Variants in DMD observed in about 807,000 individuals in gnomAD.
DMD encodes the protein dystrophin.
A neutral mutation model predicts 330.1 loss-of-function variants in DMD; 63 were observed. The ratio of observed to expected loss-of-function variants is 0.19; its 90% confidence interval spans 0.16 to 0.24. The LOEUF (loss-of-function observed/expected upper bound fraction) is 0.24. Ranked by LOEUF, DMD falls within the 10% of genes least tolerant of loss-of-function variation. The pLI, the probability that DMD is intolerant of heterozygous loss-of-function variation, is 1.00. For missense variants in DMD, 3,344 were observed against 2,684.1 expected (o/e 1.25, Z -5.43); for synonymous variants, 1,223 against 959.8 (o/e 1.27, Z -5.07).
At chrX:32,438,472 G>A (rs1308097795) in intron 28 of DMD, 82 bp from the exon 29 acceptor site, 32 of 1,057,984 alleles carry the variant, frequency 3.0e-5, no homozygotes, top group Non-Finnish European at 4.0e-5. Context: ...AGTATCTTCT[G>A]ATTTACATAT....
chrX:32,720,963 G>A (rs1228297881), intron 7 of DMD, among the ~76,000 whole-genome samples: 7 of 110,784 alleles, frequency 6.3e-5, no homozygotes, highest in South Asian at 3.8e-4. Flanking sequence ...GTTAGATAAC[G>A]TAGCATATTT....
At chrX:33,253,000 T>C (rs961785605) in intron 1 of DMD, among the ~76,000 whole-genome samples, 9 of 111,608 alleles carry the variant, frequency 8.1e-5, no homozygotes, top group African/African-American at 2.9e-4. Flanking sequence ...GGATTATGAG[T>C]CAGTTTGAAA....
chrX:31,384,318 TAC>T (rs1491187474), intron 60 of DMD, among the ~76,000 whole-genome samples: 28 of 36,255 alleles, frequency 7.7e-4, no homozygotes, highest in Non-Finnish European at 1.3e-3. Context: ...TCACTACTAC[TAC>T]TACTACTACT....
intron 2 of DMD, among the ~76,000 whole-genome samples, chrX:32,865,302 T>A (rs943125660): frequency 7.2e-5 from 8 of 110,853 alleles, no homozygotes; most frequent in Non-Finnish European, 1.1e-4. Context: ...TAGCATGGTG[T>A]TATAATCCTA....
At chrX:32,373,617 C>A (rs1245683490) in intron 34 of DMD, among the ~76,000 whole-genome samples, 4 of 111,680 alleles carry the variant, frequency 3.6e-5, no homozygotes, top group Non-Finnish European at 7.5e-5. Context: ...TTGATTTTTT[C>A]CAACCATTTA....
intron 2 of DMD, among the ~76,000 whole-genome samples, chrX:33,011,879 C>G (rs2093708255): frequency 9.0e-6 from 1 of 111,446 alleles, no homozygotes; most frequent in Admixed American, 9.6e-5. Context: ...GGTTTTTTTG[C>G]TAGCAACTAT....
At chrX:32,048,199 C>T (rs1486539412) in intron 44 of DMD, among the ~76,000 whole-genome samples, 1 of 101,274 alleles carries the variant, frequency 9.9e-6, no homozygotes, top group African/African-American at 3.6e-5. Flanking sequence ...AGTAGATGTC[C>T]TTGTGCCTAT....
chrX:32,701,499 T>C (rs1351295576), intron 7 of DMD, among the ~76,000 whole-genome samples: 1 of 111,842 alleles, frequency 8.9e-6, no homozygotes, highest in Non-Finnish European at 1.9e-5. Context: ...CCAATTCATT[T>C]GATAATTGTT....
rs1314644631 is a variant in DMD, at chrX:33,064,378, A to C, written c.32-44178T>G. On this transcript the variant is annotated intron_variant, in intron 1 of 78. Transcript: ENST00000357033. ...AGACTATCACATAATGAAATCCTTT[A>C]ATTGTTACTTCTTTCTCTATCTCAC... Among the ~76,000 whole-genome samples, 3 of 111,359 alleles carry C rather than the reference A, an allele frequency of 2.7e-5. No individual in the cohort carries two copies. In the Admixed American group the frequency reaches 2.9e-4, roughly 11 times the overall value.
At chrX:32,480,031 A>G (rs1177671445) in intron 21 of DMD, among the ~76,000 whole-genome samples, 1 of 111,470 alleles carries the variant, frequency 9.0e-6, no homozygotes, top group Non-Finnish European at 1.9e-5. Context: ...GTTAATATCC[A>G]AAATATATAG....
chrX:32,206,860 T>A, intron 44 of DMD: 1 of 317,498 alleles, frequency 3.1e-6, no homozygotes, highest in Non-Finnish European at 5.7e-6. Flanking sequence ...TTGATAAATG[T>A]TGTCCAGATT....
intron 44 of DMD, among the ~76,000 whole-genome samples, chrX:31,981,356 C>T (rs2095475041): frequency 9.0e-6 from 1 of 111,590 alleles, no homozygotes; most frequent in Non-Finnish European, 1.9e-5. Context: ...AATGGCAAAT[C>T]ATCCCAGTGA....
chrX:32,473,403 A>G lies in DMD; in HGVS notation c.2804-1094T>C, dbSNP rs200558719. 8.1e-5 allele frequency among the ~76,000 whole-genome samples: 9 copies of G among 111,715 alleles called. No individual in the cohort carries two copies. The East Asian group carries it at 1.7e-3, about 21-fold the overall frequency. ...CCAGAATGTGGCAGAAGCCATATTT[A>G]AACAGATAATGGCTAATAATGTTTC... On this transcript the variant is annotated intron_variant, in intron 21 of 78. Coordinates refer to ENST00000357033, the MANE Select transcript of DMD (RefSeq NM_004006.3).
intron 2 of DMD, among the ~76,000 whole-genome samples, chrX:32,870,981 A>AAAAAAAAAAAAAAAAAAAG (rs1569537090): frequency 2.4e-5 from 2 of 82,573 alleles, no homozygotes; most frequent in East Asian, 7.8e-4. Context: ...AAAAAAAAAA[A>AAAAAAAAAAAAAAAAAAAG]AAAAAAACCA....
chrX:32,489,751 T>C (rs1487997330), intron 20 of DMD, among the ~76,000 whole-genome samples: 1 of 112,017 alleles, frequency 8.9e-6, no homozygotes, highest in African/African-American at 3.2e-5. Flanking sequence ...AACTACTATA[T>C]CTGAATCTCA....
At chrX:32,587,857 C>T (rs5928028) in intron 13 of DMD, among the ~76,000 whole-genome samples, 6,863 of 111,356 alleles carry the variant, frequency 0.062, 213 homozygotes, top group Middle Eastern at 0.12. Context: ...TTTTTAAATG[C>T]TTTAGCTTCT....
At chrX:32,370,961 T>C (rs979330560) in intron 34 of DMD, among the ~76,000 whole-genome samples, 1 of 111,232 alleles carries the variant, frequency 9.0e-6, no homozygotes, top group Non-Finnish European at 1.9e-5. Flanking sequence ...GATTCTCAAC[T>C]TTGCTGAATA....
intron 2 of DMD, among the ~76,000 whole-genome samples, chrX:32,975,458 A>G (rs2092522239): frequency 9.5e-6 from 1 of 105,071 alleles, no homozygotes; most frequent in African/African-American, 3.5e-5. Flanking sequence ...AGGCTGAAGC[A>G]GTCTCAGGAC....
intron 1 of DMD, among the ~76,000 whole-genome samples, chrX:33,190,974 A>AT (rs1419335072): frequency 0.047 from 44 of 929 alleles, 5 homozygotes; most frequent in Non-Finnish European, 0.11. Context: ...TATAATATAT[A>AT]ATATTATATA....
Sources: gnomAD v4.1 joint callset for allele counts (sites outside exome capture counted in the v4.1 genomes callset) on GRCh38, gnomAD v4.1.1 for gene constraint, MANE v1.5 for transcripts, NCBI Gene and HGNC (gene_info 2026-07-23, HGNC 2026-07-21) for gene names.